FRMD4A: variants seen among roughly 807,000 people sequenced by gnomAD.
FRMD4A encodes FERM domain-containing protein 4A.
FRMD4A carries 29 observed loss-of-function variants against 129.1 expected under a neutral mutation model. The observed-to-expected ratio is 0.22, with a 90% confidence interval of 0.17 to 0.31. FRMD4A has a LOEUF of 0.31. Among genes scored for constraint, FRMD4A ranks in the 10% least tolerant of loss-of-function variants. The probability of loss-of-function intolerance (pLI) is 1.00; values close to 1 mark genes in which losing one functional copy is unlikely to be tolerated. For missense variants in FRMD4A, 1,272 were observed against 1,375.8 expected, an observed-to-expected ratio of 0.92 and a Z score of 1.19; for synonymous variants, 634 against 571.6, an observed-to-expected ratio of 1.11 and a Z score of -1.56.
chr10:13,761,577 A>G (rs2092075493), intron 8 of FRMD4A, 70 bp downstream of exon 8: 2 of 1,034,962 alleles, frequency 1.9e-6, no homozygotes, highest in African/African-American at 3.2e-5. Flanking sequence ...GGACATCCTG[A>G]TTAGTTTCTT....
chr10:13,707,993 C>A (rs1056073839), intron 12 of FRMD4A: 4 of 591,776 alleles, frequency 6.8e-6, no homozygotes, highest in African/African-American at 2.0e-5. Context: ...GTTACTTTAA[C>A]CCTCTGGGAA....
chr10:14,267,469 C>T (rs962631767), intron 2 of FRMD4A, among the ~76,000 whole-genome samples: 1 of 152,140 alleles, frequency 6.6e-6, no homozygotes, highest in African/African-American at 2.4e-5. Flanking sequence ...TGCCAGATGC[C>T]ACAGCCTAAG....
At chr10:13,811,397 T>C (rs948846208) in intron 3 of FRMD4A, among the ~76,000 whole-genome samples, 2 of 151,386 alleles carry the variant, frequency 1.3e-5, no homozygotes, top group Non-Finnish European at 2.9e-5. Flanking sequence ...CCTCCCAAAG[T>C]GCTGTGATTA....
intron 2 of FRMD4A, among the ~76,000 whole-genome samples, chr10:14,142,762 G>GATCTTCCC (rs1432059256): frequency 1.3e-5 from 2 of 152,180 alleles, no homozygotes; most frequent in African/African-American, 4.8e-5. Context: ...TCTGAACTTG[G>GATCTTCCC]ATCTTCCCAC....
At chr10:14,192,145 G>A (rs777979559) in intron 2 of FRMD4A, among the ~76,000 whole-genome samples, 5 of 152,026 alleles carry the variant, frequency 3.3e-5, no homozygotes, top group Non-Finnish European at 7.4e-5. Flanking sequence ...ATCATCCAAG[G>A]GAATTCCAAT....
chr10:14,167,971 G>C (rs1375771336), intron 2 of FRMD4A, among the ~76,000 whole-genome samples: 1 of 152,200 alleles, frequency 6.6e-6, no homozygotes, highest in Non-Finnish European at 1.5e-5. Flanking sequence ...CCAGCCTTTT[G>C]GCACAAATGC....
At chr10:14,060,614 T>G (rs946890820) in intron 2 of FRMD4A, among the ~76,000 whole-genome samples, 1 of 152,214 alleles carries the variant, frequency 6.6e-6, no homozygotes, top group Non-Finnish European at 1.5e-5. Flanking sequence ...AGCAAAGTGC[T>G]TTCAACATTG....
At chr10:13,901,369 AG>A (rs1308658899) in intron 2 of FRMD4A, among the ~76,000 whole-genome samples, 1 of 152,216 alleles carries the variant, frequency 6.6e-6, no homozygotes, top group Admixed American at 6.5e-5. Context: ...TTGGGAGGCC[AG>A]GGCAGGTGGA....
At chr10:14,033,485 G>T (rs569695511) in intron 2 of FRMD4A, among the ~76,000 whole-genome samples, 1 of 151,648 alleles carries the variant, frequency 6.6e-6, no homozygotes, top group East Asian at 2.0e-4. Flanking sequence ...TGGCTGATTG[G>T]ATAAAGAAAA....
intron 3 of FRMD4A, among the ~76,000 whole-genome samples, chr10:13,857,957 T>A (rs1222724860): frequency 6.6e-6 from 1 of 152,204 alleles, no homozygotes; most frequent in Non-Finnish European, 1.5e-5. Context: ...TTCTCCAATT[T>A]TGCTGACACT....
chr10:13,798,023 T>TGAGA (rs1235123806), intron 4 of FRMD4A, among the ~76,000 whole-genome samples: 1 of 152,212 alleles, frequency 6.6e-6, no homozygotes, highest in Non-Finnish European at 1.5e-5. Context: ...TTTGGCCTGT[T>TGAGA]TTTCCTCTTT....
intron 21 of FRMD4A, among the ~76,000 whole-genome samples, chr10:13,657,787 G>GGTT (rs1554826484): frequency 1.8e-5 from 2 of 110,960 alleles, no homozygotes; most frequent in Non-Finnish European, 3.8e-5. Context: ...TCGATTTCTG[G>GGTT]GTTTTTTTTT....
intron 2 of FRMD4A, among the ~76,000 whole-genome samples, chr10:14,012,704 G>C (rs2095686416): frequency 6.6e-6 from 1 of 152,098 alleles, no homozygotes; most frequent in Admixed American, 6.5e-5. Context: ...TGGAATCCTG[G>C]GTGCTGGCAC....
chr10:14,263,927 C>T (rs1409660142), intron 2 of FRMD4A, among the ~76,000 whole-genome samples: 4 of 152,158 alleles, frequency 2.6e-5, no homozygotes, highest in African/African-American at 7.2e-5. Context: ...CAATGGGAAT[C>T]GAAAGGAAGT....
intron 5 of FRMD4A, among the ~76,000 whole-genome samples, chr10:13,784,104 G>A (rs2092798723): frequency 6.6e-6 from 1 of 152,154 alleles, no homozygotes. Context: ...GAGGGTGCTG[G>A]GTACCTGGGG....
In FRMD4A at chr10:13,786,145, G is replaced by A. The variant is rs182044038; in HGVS notation, c.300-3139C>T. ...CCTTCAGGTATATACCCAGTAATGG[G>A]ATGGCTGGGTCAAATGGTATTTCTA... On this transcript the variant is annotated intron_variant, in intron 5 of 24. Coordinates refer to ENST00000357447, the MANE Select transcript of FRMD4A (RefSeq NM_018027.5). Among the ~76,000 whole-genome samples, 1,071 of 152,268 alleles carry A rather than the reference G, an allele frequency of 7.0e-3. 15 individuals are homozygous for A. Among genetic ancestry groups the A allele is most frequent in the African/African-American group, 0.024 (1,011 of 41,542 alleles).
chr10:13,861,318 T>C (rs1318941997), intron 2 of FRMD4A, among the ~76,000 whole-genome samples: 1 of 152,224 alleles, frequency 6.6e-6, no homozygotes, highest in Non-Finnish European at 1.5e-5. Flanking sequence ...TATTCACTTA[T>C]CACCAACATA....
intron 2 of FRMD4A, among the ~76,000 whole-genome samples, chr10:14,154,044 C>A (rs993250189): frequency 5.9e-5 from 9 of 152,132 alleles, no homozygotes; most frequent in Non-Finnish European, 1.3e-4. Flanking sequence ...GCTCTTCCAG[C>A]GCCTGAGGGA....
chr10:14,145,488 G>A (rs545477147), intron 2 of FRMD4A, among the ~76,000 whole-genome samples: 1 of 152,292 alleles, frequency 6.6e-6, no homozygotes, highest in Admixed American at 6.5e-5. Context: ...CCCAGGCTGG[G>A]GGTGAATGGG....
Sources: gnomAD v4.1 joint callset for allele counts (sites outside exome capture counted in the v4.1 genomes callset) on GRCh38, gnomAD v4.1.1 for gene constraint, MANE v1.5 for transcripts, NCBI Gene and HGNC (gene_info 2026-07-23, HGNC 2026-07-21) for gene names.